The following COL5A1 variants were observed in gnomAD, a reference collection of about 807,000 sequenced individuals.
COL5A1 encodes the protein collagen alpha-1(V) chain.
Under a neutral mutation model 263.7 loss-of-function variants are expected in COL5A1, and 16 were observed. The observed-to-expected ratio is 0.06, with a 90% CI of 0.04 to 0.09. The LOEUF (loss-of-function observed/expected upper bound fraction) is 0.09, where lower values mean the gene tolerates loss of function less well. COL5A1 is among the 10% of genes least tolerant of loss of function. COL5A1 has a pLI of 1.00. For synonymous variants in COL5A1, 1,012 were observed against 1,004.5 expected, an observed-to-expected ratio of 1.01 and a Z score of -0.14; for missense variants, 2,036 against 2,540.5, an observed-to-expected ratio of 0.80 and a Z score of 4.27.
chr9:134,742,943 C>T lies in COL5A1; in HGVS notation c.1494+4135C>T, dbSNP rs903103119. 1.3e-5 allele frequency among the ~76,000 whole-genome samples: 2 copies of T among 152,060 alleles called. No homozygotes were observed. The highest frequency in any genetic ancestry group is 4.8e-5 in the African/African-American group (2 of 41,436). On this transcript the variant is annotated intron_variant, in intron 11 of 65. Coordinates refer to ENST00000371817, the MANE Select transcript of COL5A1 (RefSeq NM_000093.5). The surrounding 1 kb of genome is among the most constrained non-coding windows in gnomAD (Gnocchi z 4.6). ...TAAAGATTCAGGCCCCAGTGAGTCC[C>T]GCCTTCCATGGACTTCCAGGGCCCA...
In COL5A1 at chr9:134,842,207, G is replaced by A. The variant is rs1245708449; in HGVS notation, c.5421G>A (p.Val1807=). 3 of 1,614,114 alleles carry A rather than the reference G, an allele frequency of 1.9e-6. No individual in the cohort carries two copies. Among genetic ancestry groups the A allele is most frequent in the Non-Finnish European group, 2.5e-6 (3 of 1,180,050 alleles). Residue 1807 remains valine, a synonymous_variant, in exon 66 of 66, where the codon GTG becomes GTA. Transcript: ENST00000371817. The surrounding 1 kb of genome is among the most constrained non-coding windows in gnomAD (Gnocchi z 5.8). The part of the protein sequence containing the change: ...KTVLEIDTPK[V]EQVPIVDIMF... The stretch of plus-strand genomic sequence containing the variant: ...TTCTGGAGATCGACACCCCCAAAGT[G>A]GAGCAGGTGCCCATCGTGGACATCA...
intron 4 of COL5A1, chr9:134,709,308 G>C (rs968817647): frequency 1.1e-5 from 2 of 181,082 alleles, no homozygotes; most frequent in African/African-American, 1.1e-4. Context: ...CCTGGCTGAG[G>C]AGGGGTGGGG....
At chr9:134,694,639 C>T (rs958184459) in intron 2 of COL5A1, among the ~76,000 whole-genome samples, 36 of 152,324 alleles carry the variant, frequency 2.4e-4, no homozygotes, top group African/African-American at 6.7e-4. Flanking sequence ...GGGATCTGTC[C>T]GACCAGGGAG....
chr9:134,692,827 C>T (rs1228286679), intron 2 of COL5A1, among the ~76,000 whole-genome samples: 2 of 152,140 alleles, frequency 1.3e-5, no homozygotes, highest in African/African-American at 2.4e-5. Context: ...AATCCCAGCA[C>T]TTTGGGAGGC....
At chr9:134,737,493 C>T (rs1835145067) in intron 9 of COL5A1, among the ~76,000 whole-genome samples, 1 of 152,230 alleles carries the variant, frequency 6.6e-6, no homozygotes. Flanking sequence ...GCCTCGGGGT[C>T]ATTCTCCATT....
chr9:134,786,216 G>A (rs185972432), intron 31 of COL5A1, among the ~76,000 whole-genome samples, 168 bp downstream of exon 31: 13 of 151,958 alleles, frequency 8.6e-5, no homozygotes, highest in Admixed American at 2.0e-4. Context: ...GGGTTGTACC[G>A]CCAGGCCTCC....
chr9:134,730,582 C>T, intron 7 of COL5A1, 107 bp downstream of exon 7: 1 of 1,501,370 alleles, frequency 6.7e-7, no homozygotes, highest in East Asian at 2.3e-5. Context: ...ACCTTGGTGT[C>T]CTCGGGTGGC....
chr9:134,776,439 T>G (rs548215903), intron 27 of COL5A1, among the ~76,000 whole-genome samples: 1 of 152,240 alleles, frequency 6.6e-6, no homozygotes, highest in Non-Finnish European at 1.5e-5. Context: ...ATTCATGACA[T>G]GAGCAATCCA....
At chr9:134,690,744 G>T (rs1342291622) in intron 1 of COL5A1, among the ~76,000 whole-genome samples, 168 bp from the exon 2 acceptor site, 2 of 152,196 alleles carry the variant, frequency 1.3e-5, no homozygotes, top group East Asian at 1.9e-4. Context: ...GCAGCGTGGT[G>T]CCCTGCCTCG....
At chr9:134,810,437 C>T in intron 44 of COL5A1, 129 bp downstream of exon 44, 5 of 877,194 alleles carry the variant, frequency 5.7e-6, no homozygotes, top group Non-Finnish European at 9.2e-6. Context: ...CTGTGAAAAT[C>T]TCCCGTGCAT....
intron 1 of COL5A1, chr9:134,653,157 G>A (rs940503721): frequency 6.3e-6 from 1 of 159,106 alleles, no homozygotes; most frequent in African/African-American, 2.4e-5. Flanking sequence ...CACCCATGGT[G>A]CTGTTCCCCT....
chr9:134,706,289 G>A (rs1833836161), intron 4 of COL5A1, among the ~76,000 whole-genome samples: 1 of 152,230 alleles, frequency 6.6e-6, no homozygotes, highest in African/African-American at 2.4e-5. Context: ...GTTTCCAGAG[G>A]TGCTGGGCAG....
At chr9:134,785,956 T>A in intron 30 of COL5A1, 39 bp from the exon 31 acceptor site, 1 of 1,578,382 alleles carries the variant, frequency 6.3e-7, no homozygotes, top group Non-Finnish European at 8.7e-7. Context: ...GATGGAGCAA[T>A]ACCGTGCTGG....
chr9:134,795,171 A>G (rs370028591), intron 33 of COL5A1, 45 bp downstream of exon 33: 4 of 1,613,684 alleles, frequency 2.5e-6, no homozygotes, highest in Admixed American at 3.3e-5. Context: ...AAACGGGAGC[A>G]TGGTTTAGGG....
In COL5A1 at chr9:134,686,993, C is replaced by T. The variant is rs1011859466; in HGVS notation, c.110-3919C>T. Among the ~76,000 whole-genome samples the T allele has an allele frequency of 6.6e-5, 10 of 152,124 alleles. No individual in the cohort carries two copies. Among genetic ancestry groups the T allele is most frequent in the African/African-American group, 2.2e-4 (9 of 41,414 alleles). ...TGGATACAGTCTCCGGGAGACCCGGCGTGGTGGGGTCAGGAGGCCCCACTC... is the reference window on the plus strand; with the variant it reads ...TGGATACAGTCTCCGGGAGACCCGGTGTGGTGGGGTCAGGAGGCCCCACTC... On this transcript the variant is annotated intron_variant, in intron 1 of 65. Coordinates refer to ENST00000371817, the MANE Select transcript of COL5A1 (RefSeq NM_000093.5). This position sits in a 1 kb window ranked among gnomAD's most constrained non-coding sequence, Gnocchi z 4.6.
chr9:134,727,046 C>CGGAT lies in COL5A1; in HGVS notation c.655-189_655-186dup, dbSNP rs71381829. 0.069 allele frequency among the ~76,000 whole-genome samples: 7,126 copies of CGGAT among 103,148 alleles called. 274 individuals carry two copies. Among genetic ancestry groups the CGGAT allele is most frequent in the South Asian group, 0.21 (654 of 3,180 alleles). The allele number at this position is 103,148 out of a possible 152,430, so 67.7% of individuals were successfully genotyped here. ...ATGGATGGGTAGATGGATGAGTGAA[C>CGGAT]GGATGGATGGATGGATGGATGGATG... On this transcript the variant is annotated intron_variant, in intron 4 of 65. Coordinates refer to ENST00000371817, the MANE Select transcript of COL5A1 (RefSeq NM_000093.5).
At chr9:134,820,621 C>T (rs937659006) in intron 58 of COL5A1, among the ~76,000 whole-genome samples, 8 of 152,178 alleles carry the variant, frequency 5.3e-5, no homozygotes, top group African/African-American at 1.9e-4. Context: ...AGTGGCTGTT[C>T]TGGCTCCTGC....
At chr9:134,658,667 G>A (rs866228336) in intron 1 of COL5A1, among the ~76,000 whole-genome samples, 2 of 152,170 alleles carry the variant, frequency 1.3e-5, no homozygotes, top group African/African-American at 2.4e-5. Flanking sequence ...AATGGAAGCC[G>A]ACGCCCCTCT....
intron 4 of COL5A1, among the ~76,000 whole-genome samples, chr9:134,720,303 G>T (rs879831255): frequency 1.3e-5 from 2 of 152,184 alleles, no homozygotes; most frequent in African/African-American, 2.4e-5. Context: ...GCCCAAGCAG[G>T]GGCTGCCCAC....
Sources: allele counts gnomAD v4.1 joint callset (sites outside exome capture counted in the v4.1 genomes callset), GRCh38; gene constraint gnomAD v4.1.1; non-coding constraint Gnocchi (gnomAD v3.1); transcripts MANE v1.5; gene names NCBI Gene and HGNC (gene_info 2026-07-23, HGNC 2026-07-21).